GRB14: variants seen among roughly 807,000 people sequenced by gnomAD.
GRB14 encodes the protein growth factor receptor-bound protein 14.
In GRB14, 38 loss-of-function variants were observed where a neutral mutation model predicts 69.1. That is an observed-to-expected ratio of 0.55 (90% CI 0.42 to 0.72). The LOEUF (loss-of-function observed/expected upper bound fraction) is 0.72. GRB14 is among the 30% of genes least tolerant of loss of function. The pLI is 0.00. For missense variants in GRB14, 666 were observed against 666.1 expected (o/e 1.00, Z 0.00); for synonymous variants, 247 against 241.3 (o/e 1.02, Z -0.22).
chr2:164,498,404 C>T (rs924991488), intron 9 of GRB14, among the ~76,000 whole-genome samples: 3 of 152,188 alleles, frequency 2.0e-5, no homozygotes, highest in African/African-American at 7.2e-5. Context: ...CTCTACTTTA[C>T]AACCATCTTT....
rs746042504 is a variant in GRB14 at position 164,497,414 on chromosome 2, T to G, written c.1181A>C (p.Glu394Ala). 1.1e-5 allele frequency: 18 copies of G among 1,613,836 alleles called. No homozygotes were observed. The highest frequency in any genetic ancestry group is 1.4e-5 in the Non-Finnish European group (17 of 1,179,806). Residue 394 changes from glutamate (E) to alanine (A), a missense_variant, in exon 10 of 14, where the codon GAA becomes GCA. Glu to Ala is a moderately radical substitution (Grantham distance 107). Coordinates refer to ENST00000263915, the MANE Select transcript of GRB14 (RefSeq NM_004490.3). ...TTCTTCAACCGCAACTGAAAGGGCT[T>G]CAGTGGGATTTTCTATAACTCTGCT... ...QKSRVIENPTEALSVAVEEGL... is the reference protein window; with the variant it reads ...QKSRVIENPTAALSVAVEEGL...
chr2:164,583,220 T>C (rs1689456159), intron 2 of GRB14, among the ~76,000 whole-genome samples: 1 of 151,858 alleles, frequency 6.6e-6, no homozygotes, highest in South Asian at 2.1e-4. Context: ...ACCATTTCCA[T>C]ACAAAGAAAA....
At chr2:164,616,200 G>A (rs1690288166) in intron 2 of GRB14, among the ~76,000 whole-genome samples, 1 of 151,998 alleles carries the variant, frequency 6.6e-6, no homozygotes, top group East Asian at 1.9e-4. Context: ...CAAGGCGGGT[G>A]GATCATGAGG....
intron 3 of GRB14, among the ~76,000 whole-genome samples, chr2:164,545,494 C>A (rs980899943): frequency 1.3e-5 from 2 of 152,012 alleles, no homozygotes. Flanking sequence ...CAGCCACAAG[C>A]CAACAAATGC....
intron 8 of GRB14, among the ~76,000 whole-genome samples, chr2:164,507,463 A>G (rs1173361897): frequency 6.6e-6 from 1 of 152,178 alleles, no homozygotes; most frequent in Non-Finnish European, 1.5e-5. Context: ...TCCTGTGGTA[A>G]GAAAAGGATT....
intron 3 of GRB14, among the ~76,000 whole-genome samples, chr2:164,531,346 C>A (rs1013833158): frequency 6.6e-6 from 1 of 152,200 alleles, no homozygotes; most frequent in Non-Finnish European, 1.5e-5. Flanking sequence ...TATCTGTATT[C>A]TTTGCAACTG....
Position 164,508,558 on chromosome 2 carries a change from G to A in GRB14, c.928-8C>T, listed in dbSNP as rs1278299655. ...CCCTCCCGCTTTGTTAGGCTAGAAG[G>A]CCACAGCACATTGTTTATCGTTAAT... On this transcript the variant is annotated splice_polypyrimidine_tract_variant and splice_region_variant and intron_variant, in intron 7 of 13. Transcript: ENST00000263915. 2 of 1,611,906 alleles carry A rather than the reference G, an allele frequency of 1.2e-6. No homozygotes were observed. Among genetic ancestry groups the A allele is most frequent in the South Asian group, 2.2e-5 (2 of 91,016 alleles).
At chr2:164,527,174 CAAATATATATAT>C (rs1303524215) in intron 3 of GRB14, 39 bp from the exon 4 acceptor site, 9 of 330,846 alleles carry the variant, frequency 2.7e-5, no homozygotes, top group African/African-American at 8.2e-5. Context: ...GACAGATAGA[CAAATATATATAT>C]ATATATATAT....
intron 6 of GRB14, among the ~76,000 whole-genome samples, chr2:164,511,825 G>A (rs1028058031): frequency 3.9e-5 from 6 of 152,118 alleles, no homozygotes; most frequent in African/African-American, 1.2e-4. Flanking sequence ...CACCAGGATG[G>A]TTCTGAGGGG....
intron 2 of GRB14, among the ~76,000 whole-genome samples, chr2:164,614,532 A>G (rs1436356432): frequency 6.6e-6 from 1 of 152,226 alleles, no homozygotes; most frequent in African/African-American, 2.4e-5. Flanking sequence ...TTTGGGATAT[A>G]AAAGAAAATT....
intron 2 of GRB14, among the ~76,000 whole-genome samples, chr2:164,576,958 T>C (rs1689266310): frequency 6.6e-6 from 1 of 151,620 alleles, no homozygotes; most frequent in Non-Finnish European, 1.5e-5. Context: ...AAATAAGAAA[T>C]AATACCAGAG....
intron 2 of GRB14, among the ~76,000 whole-genome samples, chr2:164,581,468 C>A (rs765942613): frequency 6.6e-6 from 1 of 152,076 alleles, no homozygotes; most frequent in Non-Finnish European, 1.5e-5. Context: ...AAGGCAAAAA[C>A]CAAACCAGGA....
At chr2:164,577,007 T>C (rs188384403) in intron 2 of GRB14, among the ~76,000 whole-genome samples, 46 of 152,176 alleles carry the variant, frequency 3.0e-4, no homozygotes, top group Non-Finnish European at 1.3e-4. Flanking sequence ...CCCCCAATTT[T>C]ATGCAAAAAA....
At chr2:164,533,695 G>C (rs1350627420) in intron 3 of GRB14, among the ~76,000 whole-genome samples, 1 of 152,110 alleles carries the variant, frequency 6.6e-6, no homozygotes, top group Non-Finnish European at 1.5e-5. Context: ...AAACAAAAAA[G>C]GTTGAAAAAT....
intron 2 of GRB14, among the ~76,000 whole-genome samples, chr2:164,565,349 G>C (rs1032870542): frequency 6.6e-6 from 1 of 152,010 alleles, no homozygotes; most frequent in Non-Finnish European, 1.5e-5. Context: ...TTCTATGCTA[G>C]AGCATAAGGG....
chr2:164,613,834 T>C (rs757833169), intron 2 of GRB14, among the ~76,000 whole-genome samples: 1 of 152,190 alleles, frequency 6.6e-6, no homozygotes, highest in African/African-American at 2.4e-5. Context: ...CTAAAGGCCA[T>C]TTGTAACATA....
rs1163746465 is a variant in GRB14, at chr2:164,569,450, A to G, written c.325-21634T>C. On this transcript the variant is annotated intron_variant, in intron 2 of 13. Transcript: ENST00000263915. ...CTGGACTGACATCTGGACAAGCTTC[A>G]CTGAACTGCTCAATGCTCTTCAATC... is the stretch of plus-strand genomic sequence containing the variant. Among the ~76,000 whole-genome samples the G allele has an allele frequency of 2.6e-5, 4 of 152,230 alleles. No individual in the cohort carries two copies. The East Asian group carries it at 5.8e-4, about 22-fold the overall frequency.
intron 2 of GRB14, among the ~76,000 whole-genome samples, chr2:164,559,441 G>C (rs1688765197): frequency 6.6e-6 from 1 of 152,020 alleles, no homozygotes; most frequent in African/African-American, 2.4e-5. Context: ...TCCCTTGCCT[G>C]CTCCCTCTTT....
chr2:164,535,635 T>C (rs963722973), intron 3 of GRB14, among the ~76,000 whole-genome samples: 11 of 152,368 alleles, frequency 7.2e-5, no homozygotes, highest in Admixed American at 7.2e-4. Flanking sequence ...ACATACATTT[T>C]GTCAATCTTA....
Sources: allele counts gnomAD v4.1 joint callset (sites outside exome capture counted in the v4.1 genomes callset), GRCh38; gene constraint gnomAD v4.1.1; transcripts MANE v1.5; gene names NCBI Gene and HGNC (gene_info 2026-07-23, HGNC 2026-07-21).